The following GRIK2 variants were observed in gnomAD, a reference collection of about 807,000 sequenced individuals.
GRIK2 encodes the protein glutamate receptor ionotropic, kainate 2.
Under a neutral mutation model 100.3 loss-of-function variants are expected in GRIK2, and 32 were observed. That is an observed-to-expected ratio of 0.32 (90% CI 0.24 to 0.43). The LOEUF is 0.43. GRIK2 is among the 20% of genes least tolerant of loss of function. The pLI, the probability that GRIK2 is intolerant of heterozygous loss-of-function variation, is 1.00. For missense variants in GRIK2, 843 were observed against 1,114.9 expected, an observed-to-expected ratio of 0.76 and a Z score of 3.47; for synonymous variants, 417 against 389.4, an observed-to-expected ratio of 1.07 and a Z score of -0.83.
chr6:101,937,796 G>T (rs1249489396), intron 14 of GRIK2, among the ~76,000 whole-genome samples: 1 of 151,970 alleles, frequency 6.6e-6, no homozygotes, highest in African/African-American at 2.4e-5. Context: ...TTGCTGCTCT[G>T]ACTTTTGAGT....
At chr6:101,617,843 TCA>T (rs1332734222) in intron 2 of GRIK2, among the ~76,000 whole-genome samples, 1 of 151,152 alleles carries the variant, frequency 6.6e-6, no homozygotes. Flanking sequence ...TCTCCCTCTG[TCA>T]CACACACACA....
chr6:101,648,423 C>A (rs1379911443), intron 4 of GRIK2, among the ~76,000 whole-genome samples: 2 of 152,134 alleles, frequency 1.3e-5, no homozygotes, highest in Middle Eastern at 3.4e-3. Context: ...CTTTTGTATT[C>A]TATTAATTTA....
chr6:101,973,103 T>C lies in GRIK2; in HGVS notation c.2085+44471T>C, dbSNP rs576423308. ...GCCCAGAGTTTAATCATGAAATTAGTGAGCCAGTGTTACTAATAGAAATAT... is the reference window on the plus strand; with the variant it reads ...GCCCAGAGTTTAATCATGAAATTAGCGAGCCAGTGTTACTAATAGAAATAT... On this transcript the variant is annotated intron_variant, in intron 14 of 16. Coordinates refer to ENST00000369134, the MANE Select transcript of GRIK2 (RefSeq NM_021956.5). Among the ~76,000 whole-genome samples, 310 of 151,926 alleles carry C rather than the reference T, an allele frequency of 2.0e-3. 1 individual carries two copies. Among genetic ancestry groups the C allele is most frequent in the African/African-American group, 7.3e-3 (302 of 41,508 alleles).
chr6:101,432,377 A>G (rs1347749904), intron 2 of GRIK2, among the ~76,000 whole-genome samples: 1 of 152,178 alleles, frequency 6.6e-6, no homozygotes, highest in South Asian at 2.1e-4. Flanking sequence ...AATCCTTTGG[A>G]GTATTCTTAA....
chr6:101,879,453 T>G (rs1786093251), intron 11 of GRIK2, among the ~76,000 whole-genome samples: 1 of 151,932 alleles, frequency 6.6e-6, no homozygotes, highest in Non-Finnish European at 1.5e-5. Flanking sequence ...AGCCTTTCAC[T>G]TTAAGAGAGC....
At chr6:101,613,581 C>G (rs1779771842) in intron 2 of GRIK2, among the ~76,000 whole-genome samples, 1 of 151,490 alleles carries the variant, frequency 6.6e-6, no homozygotes, top group South Asian at 2.1e-4. Context: ...ACATCACAAA[C>G]ATAAACTTTT....
At chr6:101,920,565 A>G (rs1789421810) in intron 12 of GRIK2, among the ~76,000 whole-genome samples, 1 of 151,942 alleles carries the variant, frequency 6.6e-6, no homozygotes, top group Non-Finnish European at 1.5e-5. Flanking sequence ...ATCAGTCTCT[A>G]TTATAGATAT....
At chr6:101,829,566 A>G (rs1009516205) in intron 10 of GRIK2, among the ~76,000 whole-genome samples, 16 of 148,856 alleles carry the variant, frequency 1.1e-4, no homozygotes, top group African/African-American at 3.7e-4. Context: ...CAAAATTAAC[A>G]TACACAAATC....
intron 14 of GRIK2, among the ~76,000 whole-genome samples, chr6:101,945,138 C>A (rs979803027): frequency 6.6e-6 from 1 of 152,122 alleles, no homozygotes; most frequent in South Asian, 2.1e-4. Context: ...TTGTTTGAAA[C>A]AACTTGGGTA....
intron 7 of GRIK2, among the ~76,000 whole-genome samples, chr6:101,703,191 G>A (rs976976833): frequency 6.6e-6 from 1 of 151,852 alleles, no homozygotes; most frequent in African/African-American, 2.4e-5. Context: ...TGAGTCATTA[G>A]CACATAGATA....
chr6:101,952,816 A>G (rs1040838840), intron 14 of GRIK2, among the ~76,000 whole-genome samples: 1 of 152,064 alleles, frequency 6.6e-6, no homozygotes, highest in Non-Finnish European at 1.5e-5. Context: ...GTTAGCCAGG[A>G]TGGTCTGGAT....
intron 2 of GRIK2, among the ~76,000 whole-genome samples, chr6:101,534,090 T>A (rs1011856083): frequency 4.0e-5 from 6 of 151,834 alleles, no homozygotes; most frequent in African/African-American, 1.5e-4. Flanking sequence ...TCACTAAAGT[T>A]ATGGATTAAG....
chr6:101,512,704 T>G (rs1402049446), intron 2 of GRIK2, among the ~76,000 whole-genome samples: 1 of 152,074 alleles, frequency 6.6e-6, no homozygotes, highest in African/African-American at 2.4e-5. Context: ...TTTTTCTTTT[T>G]GCCATAAAAT....
chr6:101,805,201 A>G (rs946602830), intron 9 of GRIK2, among the ~76,000 whole-genome samples: 1 of 151,844 alleles, frequency 6.6e-6, no homozygotes, highest in South Asian at 2.1e-4. Flanking sequence ...ACAGTTTAGA[A>G]GGGCCAATAG....
At chr6:101,915,001 G>C (rs933042396) in intron 12 of GRIK2, among the ~76,000 whole-genome samples, 1 of 151,258 alleles carries the variant, frequency 6.6e-6, no homozygotes, top group Non-Finnish European at 1.5e-5. Flanking sequence ...ACGCATTATA[G>C]CCTTAACTAA....
chr6:101,909,377 T>TTTTGTTTG (rs1554284511), intron 12 of GRIK2, among the ~76,000 whole-genome samples: 10 of 116,208 alleles, frequency 8.6e-5, no homozygotes, highest in South Asian at 3.1e-4. Flanking sequence ...TAGGGTTTTC[T>TTTTGTTTG]TTTTCTTTTT....
At chr6:101,600,941 G>A (rs1353682200) in intron 2 of GRIK2, among the ~76,000 whole-genome samples, 1 of 151,244 alleles carries the variant, frequency 6.6e-6, no homozygotes, top group Admixed American at 6.6e-5. Flanking sequence ...TCCACTACTG[G>A]CCTAGCCACA....
At chr6:101,973,451 C>T (rs1013235549) in intron 14 of GRIK2, among the ~76,000 whole-genome samples, 3 of 151,764 alleles carry the variant, frequency 2.0e-5, no homozygotes, top group African/African-American at 7.2e-5. Flanking sequence ...CAATGAAAGA[C>T]ACATTAAAAC....
intron 4 of GRIK2, among the ~76,000 whole-genome samples, chr6:101,676,358 A>G (rs1770839199): frequency 6.6e-6 from 1 of 152,140 alleles, no homozygotes; most frequent in Non-Finnish European, 1.5e-5. Flanking sequence ...TTATTTTAAC[A>G]AAAATAACAG....
Sources: allele counts gnomAD v4.1 joint callset (sites outside exome capture counted in the v4.1 genomes callset), GRCh38; gene constraint gnomAD v4.1.1; transcripts MANE v1.5; gene names NCBI Gene and HGNC (gene_info 2026-07-23, HGNC 2026-07-21).